The following THSD4 variants were observed in gnomAD, a reference collection of about 807,000 sequenced individuals.
THSD4 encodes the protein thrombospondin type 1 domain containing 4.
THSD4 carries 69 observed loss-of-function variants against 119.0 expected under a neutral mutation model. That is an observed-to-expected ratio of 0.58 (90% CI 0.48 to 0.71). THSD4 has a LOEUF of 0.71. THSD4 is among the 30% of genes least tolerant of loss of function. The pLI, the probability that THSD4 is intolerant of heterozygous loss-of-function variation, is 0.00. For synonymous variants in THSD4, 524 were observed against 540.4 expected, an observed-to-expected ratio of 0.97 and a Z score of 0.42; for missense variants, 1,393 against 1,391.1, an observed-to-expected ratio of 1.00 and a Z score of -0.02.
At chr15:71,243,281 T>A (rs544730908) in intron 5 of THSD4, among the ~76,000 whole-genome samples, 185 bp downstream of exon 5, 96 of 152,134 alleles carry the variant, frequency 6.3e-4, no homozygotes, top group Middle Eastern at 3.4e-3. Flanking sequence ...TTTTTTTTTT[T>A]AAAGTTATTG....
chr15:71,740,947 G>T (rs2053222179), intron 11 of THSD4, among the ~76,000 whole-genome samples: 1 of 152,122 alleles, frequency 6.6e-6, no homozygotes, highest in Non-Finnish European at 1.5e-5. Context: ...GCTTGGCTTG[G>T]CTGTCTCCAT....
intron 6 of THSD4, among the ~76,000 whole-genome samples, chr15:71,402,077 G>A (rs1596403842): frequency 8.4e-6 from 1 of 118,668 alleles, no homozygotes; most frequent in African/African-American, 3.4e-5. Flanking sequence ...ACAGGGAGGG[G>A]AACATCACAC....
chr15:71,139,955 C>T (rs181723192), intron 1 of THSD4, among the ~76,000 whole-genome samples: 12 of 152,360 alleles, frequency 7.9e-5, no homozygotes, highest in Middle Eastern at 3.4e-3. Context: ...GCAACCAACC[C>T]GCCCATCCTG....
chr15:71,449,997 G>GA (rs923160356), intron 7 of THSD4, among the ~76,000 whole-genome samples: 1 of 152,230 alleles, frequency 6.6e-6, no homozygotes, highest in Non-Finnish European at 1.5e-5. Context: ...CAAAGAGGTG[G>GA]ATTGGGACTC....
chr15:71,293,083 C>G (rs1322580973), intron 6 of THSD4, among the ~76,000 whole-genome samples: 1 of 152,116 alleles, frequency 6.6e-6, no homozygotes, highest in African/African-American at 2.4e-5. Context: ...AGGGGCTTTC[C>G]CCAGATGGCT....
intron 4 of THSD4, among the ~76,000 whole-genome samples, chr15:71,222,245 C>G (rs1174618519): frequency 6.6e-6 from 1 of 152,148 alleles, no homozygotes; most frequent in African/African-American, 2.4e-5. Flanking sequence ...CCAGCTTCCA[C>G]AAAGACAGGG....
intron 8 of THSD4, among the ~76,000 whole-genome samples, chr15:71,695,501 C>CGTGTGT (rs370049077): frequency 4.3e-5 from 5 of 115,396 alleles, no homozygotes; most frequent in African/African-American, 1.5e-4. Flanking sequence ...TGTGTGTGTG[C>CGTGTGT]ATGTGTGTGT....
chr15:71,181,934 C>A (rs1053881162), intron 3 of THSD4, among the ~76,000 whole-genome samples: 1 of 152,012 alleles, frequency 6.6e-6, no homozygotes, highest in Admixed American at 6.6e-5. Context: ...AAATATGAGA[C>A]CTAAAAAAAT....
At chr15:71,132,826 A>G (rs765499297) in intron 1 of THSD4, among the ~76,000 whole-genome samples, 60 of 152,212 alleles carry the variant, frequency 3.9e-4, no homozygotes, top group Non-Finnish European at 7.9e-4. Flanking sequence ...ACGCTCATGC[A>G]CAGATGTACA....
At chr15:71,316,428 A>G (rs1232310138) in intron 6 of THSD4, among the ~76,000 whole-genome samples, 1 of 152,210 alleles carries the variant, frequency 6.6e-6, no homozygotes, top group Non-Finnish European at 1.5e-5. Flanking sequence ...GAAGTTATCC[A>G]CAAGGCATGA....
At chr15:71,565,157 G>T (rs922836612) in intron 7 of THSD4, among the ~76,000 whole-genome samples, 2 of 152,238 alleles carry the variant, frequency 1.3e-5, no homozygotes, top group South Asian at 2.1e-4. Flanking sequence ...TAAGCTGACT[G>T]AGGTCACATG....
At chr15:71,166,675 A>G (rs1373052169) in intron 3 of THSD4, among the ~76,000 whole-genome samples, 1 of 151,976 alleles carries the variant, frequency 6.6e-6, no homozygotes, top group Non-Finnish European at 1.5e-5. Context: ...GCTCTATAGA[A>G]ATTTTGTTGC....
At chr15:71,632,256 G>A (rs951364521) in intron 7 of THSD4, among the ~76,000 whole-genome samples, 2 of 152,130 alleles carry the variant, frequency 1.3e-5, no homozygotes, top group African/African-American at 4.8e-5. Flanking sequence ...TGTTGGCGTT[G>A]CCTGAGTTCT....
intron 7 of THSD4, among the ~76,000 whole-genome samples, chr15:71,514,175 G>GGC (rs1567016449): frequency 6.6e-6 from 1 of 152,190 alleles, no homozygotes; most frequent in Non-Finnish European, 1.5e-5. Context: ...GGAAGAACGA[G>GGC]GCACAGCAGC....
intron 8 of THSD4, among the ~76,000 whole-genome samples, chr15:71,669,172 A>G (rs902251046): frequency 6.6e-6 from 1 of 152,214 alleles, no homozygotes; most frequent in Non-Finnish European, 1.5e-5. Context: ...ACTAAATATT[A>G]TAAGTGTACT....
chr15:71,426,060 C>G (rs903968958), intron 7 of THSD4, among the ~76,000 whole-genome samples: 2 of 152,136 alleles, frequency 1.3e-5, no homozygotes, highest in Non-Finnish European at 2.9e-5. Context: ...GGGAAAGAAG[C>G]CGCCTTCTGG....
chr15:71,221,468 A>G (rs1596276547), intron 4 of THSD4, among the ~76,000 whole-genome samples: 1 of 152,180 alleles, frequency 6.6e-6, no homozygotes, highest in Non-Finnish European at 1.5e-5. Flanking sequence ...CCCTTAGCCA[A>G]CCACCATTCT....
intron 6 of THSD4, among the ~76,000 whole-genome samples, chr15:71,260,401 A>T (rs1258506334): frequency 6.6e-6 from 1 of 152,164 alleles, no homozygotes; most frequent in Non-Finnish European, 1.5e-5. Context: ...TCAGCCCATG[A>T]CCAATCTTTT....
intron 6 of THSD4, among the ~76,000 whole-genome samples, chr15:71,289,887 A>G (rs1297956298): frequency 6.6e-6 from 1 of 151,978 alleles, no homozygotes; most frequent in Non-Finnish European, 1.5e-5. Flanking sequence ...CCTTCTGACA[A>G]GGGAGAAGTA....
Sources: gnomAD v4.1 joint callset for allele counts (sites outside exome capture counted in the v4.1 genomes callset) on GRCh38, gnomAD v4.1.1 for gene constraint, MANE v1.5 for transcripts, NCBI Gene and HGNC (gene_info 2026-07-23, HGNC 2026-07-21) for gene names.